Variants in ZBTB46 observed in about 807,000 individuals in gnomAD.
The protein encoded by ZBTB46 is zinc finger and BTB domain-containing protein 46.
In ZBTB46, 8 loss-of-function variants were observed where a neutral mutation model predicts 44.1. The ratio of observed to expected loss-of-function variants is 0.18; its 90% CI spans 0.11 to 0.33. ZBTB46 has a LOEUF of 0.33. ZBTB46 is among the 10% of genes least tolerant of loss of function. The pLI is 1.00. For synonymous variants in ZBTB46, 409 were observed against 382.3 expected, an observed-to-expected ratio of 1.07 and a Z score of -0.81; for missense variants, 651 against 847.7, an observed-to-expected ratio of 0.77 and a Z score of 2.88.
At chr20:63,756,845 T>C (rs2092224809) in intron 3 of ZBTB46, among the ~76,000 whole-genome samples, 1 of 152,252 alleles carries the variant, frequency 6.6e-6, no homozygotes, top group African/African-American at 2.4e-5. Context: ...ATGTGGTTGT[T>C]TGTGGTGCGT....
chr20:63,815,266 CACCGGTGCAGTGAGT>C, intron 1 of ZBTB46: 3 of 266,480 alleles, frequency 1.1e-5, no homozygotes, highest in East Asian at 1.4e-4. Context: ...TGCAGGTGGG[CACCGGTGCAGTGAGT>C]GCAGGTGCAG....
At chr20:63,796,149 T>G (rs931984928) in intron 1 of ZBTB46, among the ~76,000 whole-genome samples, 6 of 152,226 alleles carry the variant, frequency 3.9e-5, no homozygotes, top group African/African-American at 1.2e-4. Context: ...GGGGGCAGAC[T>G]GGGGTTATTT....
At chr20:63,758,975 G>A (rs548729599) in intron 3 of ZBTB46, among the ~76,000 whole-genome samples, 21 of 152,260 alleles carry the variant, frequency 1.4e-4, no homozygotes, top group African/African-American at 4.1e-4. Flanking sequence ...CTCGTGATCC[G>A]GCCGCCTCGG....
At chr20:63,783,427 CAAAACA>C (rs1193550394) in intron 2 of ZBTB46, among the ~76,000 whole-genome samples, 2 of 152,048 alleles carry the variant, frequency 1.3e-5, no homozygotes, top group Admixed American at 1.3e-4. Flanking sequence ...GACTCCGTCT[CAAAACA>C]AAAACAAAAA....
At chr20:63,832,756 G>A (rs138808871), upstream of ZBTB46, among the ~76,000 whole-genome samples, 1,176 of 151,768 alleles carry the variant, frequency 7.7e-3, 10 homozygotes, top group Middle Eastern at 0.024. The surrounding 1 kb of genome is among the most constrained non-coding windows in gnomAD (Gnocchi z 5.0). Context: ...TGCCTGCTCT[G>A]GTCTGAAACT....
chr20:63,818,943 G>A (rs1003259920), intron 1 of ZBTB46, among the ~76,000 whole-genome samples: 10 of 151,736 alleles, frequency 6.6e-5, no homozygotes, highest in African/African-American at 2.4e-4. Flanking sequence ...GGGAGGCCAA[G>A]GTGGGCGGAT....
chr20:63,747,599 T>G (rs1307453015), intron 4 of ZBTB46, among the ~76,000 whole-genome samples: 1 of 143,766 alleles, frequency 7.0e-6, no homozygotes, highest in Admixed American at 7.0e-5. Context: ...TCCCGGGCCC[T>G]CCGAGTGTCT....
chr20:63,803,295 T>C lies in ZBTB46; in HGVS notation c.-33-12505A>G. 1 of 984,702 alleles carries C rather than the reference T, an allele frequency of 1.0e-6. No homozygotes were observed. Among genetic ancestry groups the C allele is most frequent in the Non-Finnish European group, 1.2e-6 (1 of 829,222 alleles). The allele number at this position is 984,702 out of a possible 1,614,324, so 61.0% of individuals were successfully genotyped here. The stretch of plus-strand genomic sequence containing the variant: ...AATTAAGGTTAAGACATGAATACTG[T>C]GAAACTGTCGTACAAATTAAATTTC... On this transcript the variant is annotated intron_variant, in intron 1 of 4. Transcript: ENST00000245663. This position sits in a 1 kb window ranked among gnomAD's most constrained non-coding sequence, Gnocchi z 4.0.
At position 63,790,613 on chromosome 20, in the gene ZBTB46, G is replaced by A. The variant is rs2092553534; in HGVS notation, c.145C>T (p.Leu49=). The A allele has an allele frequency of 1.9e-6, 3 of 1,611,744 alleles. No homozygotes were observed. In the African/African-American group the frequency reaches 4.0e-5, roughly 21 times the overall value. Residue 49 remains leucine (L), a synonymous_variant, in exon 2 of 5, where the codon CTG becomes TTG. Transcript: ENST00000245663. ...GKVFKAHKNV[L]LGSSRYFKTL... The stretch of plus-strand genomic sequence containing the variant: ...TTGAAGTAGCGGCTGCTGCCCAGCA[G>A]GACGTTCTTGTGCGCCTTGAAGACC...
chr20:63,780,573 C>T (rs985736776), intron 2 of ZBTB46, among the ~76,000 whole-genome samples: 10 of 152,014 alleles, frequency 6.6e-5, no homozygotes, highest in African/African-American at 9.7e-5. Context: ...GAGGCTGAGG[C>T]GGGCGGATCA....
rs560993615 is a variant in ZBTB46 at position 63,747,169 on chromosome 20, C to T, written c.1531G>A (p.Gly511Arg). 5.1e-5 allele frequency: 82 copies of T among 1,609,374 alleles called. 1 individual carries two copies. In the Middle Eastern group the frequency reaches 8.4e-4, roughly 17 times the overall value. Residue 511 changes from glycine (G) to arginine (R), a missense_variant, in exon 5 of 5, where the codon GGG becomes AGG. Gly to Arg is a moderately radical substitution (Grantham distance 125). Coordinates refer to ENST00000245663, the MANE Select transcript of ZBTB46 (RefSeq NM_001369741.1). Reference sequence around the variant, plus strand: ...CCTCCGCCGCCATGGTCCAGGGGCCCGGCCATGCCGCGGCCAGCACAGTCG... The same window carrying T: ...CCTCCGCCGCCATGGTCCAGGGGCCTGGCCATGCCGCGGCCAGCACAGTCG... Reference protein sequence around the residue: ...CTDCAGRGMAGPLDHGGGGGE... With the variant: ...CTDCAGRGMARPLDHGGGGGE...
intron 1 of ZBTB46, among the ~76,000 whole-genome samples, chr20:63,817,948 T>A (rs1251254678): frequency 1.3e-5 from 2 of 152,110 alleles, no homozygotes; most frequent in Non-Finnish European, 2.9e-5. Flanking sequence ...TCCAGCCCTG[T>A]GACAGAATAA....
intron 4 of ZBTB46, among the ~76,000 whole-genome samples, chr20:63,750,169 C>G (rs1450239297): frequency 6.6e-6 from 1 of 152,234 alleles, no homozygotes; most frequent in Non-Finnish European, 1.5e-5. Context: ...GGTCTCCACG[C>G]TCTCAGGTCC....
At chr20:63,786,704 G>A (rs528395888) in intron 2 of ZBTB46, among the ~76,000 whole-genome samples, 8 of 152,076 alleles carry the variant, frequency 5.3e-5, no homozygotes, top group African/African-American at 1.4e-4. Context: ...TAGAGACGGG[G>A]TTTCACCATG....
At chr20:63,816,008 A>G (rs1473293033) in intron 1 of ZBTB46, among the ~76,000 whole-genome samples, 8 of 130,370 alleles carry the variant, frequency 6.1e-5, no homozygotes, top group South Asian at 2.6e-4. Flanking sequence ...ACAGGTGGGC[A>G]CAGGTGCAGT....
chr20:63,747,010 C>T lies in ZBTB46; in HGVS notation c.1690G>A (p.Asp564Asn), dbSNP rs1440129574. Reference sequence around the variant, plus strand: ...GGCGAGTCTTCCTCATCCTTGTCGTCCGCCAACAGCGCATCCTCAGGGGCC... The same window carrying T: ...GGCGAGTCTTCCTCATCCTTGTCGTTCGCCAACAGCGCATCCTCAGGGGCC... ...GLAPEDALLA[D>N]DKDEEDSPRP... is the part of the protein sequence containing the mutation. Residue 564 changes from aspartate (D) to asparagine (N), a missense_variant, in exon 5 of 5, where the codon GAC becomes AAC. Physicochemically the swap from Asp to Asn is conservative, Grantham distance 23 (BLOSUM62 1). This residue lies in a region of ZBTB46 where 106 missense variants were observed against 81.0 expected (regional missense o/e 1.31). Coordinates refer to ENST00000245663, the MANE Select transcript of ZBTB46 (RefSeq NM_001369741.1). 6.2e-7 allele frequency: 1 copy of T among 1,608,170 alleles called. No homozygotes were observed. Among genetic ancestry groups the T allele is most frequent in the South Asian group, 1.1e-5 (1 of 91,062 alleles).
intron 1 of ZBTB46, among the ~76,000 whole-genome samples, chr20:63,825,138 T>C: frequency 6.6e-6 from 1 of 151,218 alleles, no homozygotes; most frequent in Non-Finnish European, 1.5e-5. Context: ...CAGTAGCTCA[T>C]GCCTGTAATC....
intron 3 of ZBTB46, among the ~76,000 whole-genome samples, chr20:63,774,781 G>A (rs1448904369): frequency 4.0e-5 from 2 of 50,588 alleles, no homozygotes; most frequent in African/African-American, 6.0e-5. Context: ...TCGGCTCACT[G>A]CAAGCTCTGC....
At chr20:63,833,460 A>G (rs1310475208), upstream of ZBTB46, among the ~76,000 whole-genome samples, 2 of 152,178 alleles carry the variant, frequency 1.3e-5, no homozygotes, top group African/African-American at 4.8e-5. Context: ...GCGTGGTGGC[A>G]GGTGCCTGTA....
Sources: gnomAD v4.1 joint callset for allele counts (sites outside exome capture counted in the v4.1 genomes callset) on GRCh38, gnomAD v4.1.1 for gene constraint, gnomAD v4.1.1 regional missense constraint, Gnocchi (gnomAD v3.1) non-coding constraint, MANE v1.5 for transcripts, NCBI Gene and HGNC (gene_info 2026-07-23, HGNC 2026-07-21) for gene names.